Variants in GMNC observed in about 807,000 individuals in gnomAD.
GMNC encodes geminin coiled-coil domain containing.
Under a neutral mutation model 33.6 loss-of-function variants are expected in GMNC, and 16 were observed. That is an observed-to-expected ratio of 0.48 (90% confidence interval 0.32 to 0.72). The LOEUF (loss-of-function observed/expected upper bound fraction) is 0.72, where lower values mean the gene tolerates loss of function less well. Among genes scored for constraint, GMNC ranks in the 30% least tolerant of loss-of-function variants. GMNC has a pLI of 0.03. For synonymous variants in GMNC, 156 were observed against 147.3 expected, an observed-to-expected ratio of 1.06 and a Z score of -0.43; for missense variants, 393 against 388.9, an observed-to-expected ratio of 1.01 and a Z score of -0.09.
intron 3 of GMNC, among the ~76,000 whole-genome samples, chr3:190,858,353 T>C (rs1737792504): frequency 3.3e-5 from 5 of 151,884 alleles, no homozygotes; most frequent in Admixed American, 2.0e-4. Flanking sequence ...ATATAGAAAA[T>C]GATGTTTAGG....
intron 2 of GMNC, 100 bp downstream of exon 2, chr3:190,860,584 T>TATCGTCCCTTATTCTAG: frequency 9.9e-7 from 1 of 1,010,334 alleles, no homozygotes; most frequent in Non-Finnish European, 1.4e-6. Context: ...AAATTTTCCA[T>TATCGTCCCTTATTCTAG]ATCGTCCCTT....
In GMNC at chr3:190,858,939, T is replaced by C. The variant is rs1370738906; in HGVS notation, c.256A>G (p.Arg86Gly). 10 of 1,547,846 alleles carry C rather than the reference T, an allele frequency of 6.5e-6. No individual in the cohort carries two copies. The highest frequency in any genetic ancestry group is 8.7e-6 in the Non-Finnish European group (10 of 1,143,788). The change falls in exon 3 of 5, where the codon AGA (arginine) becomes GGA (glycine). Residue 86 changes from arginine to glycine, a missense_variant. Coordinates refer to ENST00000442080, the MANE Select transcript of GMNC (RefSeq NM_001146686.3). ...EEAQLSSQLY[R>G]NKQLQDTLVQ... ...TGACTTACACATACCTGCTTATTTC[T>C]GTAGAGCTGAGAGGAAAGCTGAGCC... is the stretch of plus-strand genomic sequence containing the variant.
At position 190,855,737 on chromosome 3, in the gene GMNC, C is replaced by G. The variant is rs1737719818; in HGVS notation, c.563G>C (p.Trp188Ser). 1 of 1,551,428 alleles carries G rather than the reference C, an allele frequency of 6.4e-7. No homozygotes were observed. The highest frequency in any genetic ancestry group is 8.7e-7 in the Non-Finnish European group (1 of 1,146,856). Residue 188 changes from tryptophan to serine, a missense_variant, in exon 5 of 5, where the codon TGG (tryptophan) becomes TCG (serine). By Grantham distance (177) the Trp-to-Ser change is radical. Transcript: ENST00000442080. ...TTTTAACCCAAGTGTTTGAAGGACC[C>G]AGGGATCCACAGGGGGCCCAGCTTG... ...EEQAGPPVDPWVLQTLGLKDL... is the reference protein window; with the variant it reads ...EEQAGPPVDPSVLQTLGLKDL...
chr3:190,845,508 CTTT>C, the GMNC span, among the ~76,000 whole-genome samples: 56 of 125,774 alleles, frequency 4.5e-4, no homozygotes, highest in African/African-American at 1.4e-3. Flanking sequence ...ATTTTGAAAC[CTTT>C]TTTTTTTTTT....
chr3:190,843,610 C>T, the GMNC span, among the ~76,000 whole-genome samples: 1 of 152,228 alleles, frequency 6.6e-6, no homozygotes, highest in Admixed American at 6.6e-5. Context: ...CCCAGGCTCC[C>T]TCCCACACAG....
At chr3:190,852,539 T>C (rs1737651398), downstream of GMNC, among the ~76,000 whole-genome samples, 1 of 152,156 alleles carries the variant, frequency 6.6e-6, no homozygotes, top group African/African-American at 2.4e-5. Flanking sequence ...CTAATTTTTA[T>C]GTGTGGCTAG....
chr3:190,848,334 A>C (rs1490701569), downstream of GMNC, among the ~76,000 whole-genome samples: 1 of 152,172 alleles, frequency 6.6e-6, no homozygotes, highest in Non-Finnish European at 1.5e-5. Context: ...CATTCTCTAC[A>C]TAGGCCCCAC....
At chr3:190,852,060 T>C (rs1737643791), downstream of GMNC, among the ~76,000 whole-genome samples, 1 of 151,676 alleles carries the variant, frequency 6.6e-6, no homozygotes, top group Non-Finnish European at 1.5e-5. Context: ...CAAATTCTAT[T>C]TGATTTAGTG....
rs1158472613 is a variant in GMNC at position 190,855,304 on chromosome 3, C to G, written c.996G>C (p.Lys332Asn). ...EGGWKFTWVP[K>N]QS ...GATAAAAGAGGGGTCACTAAGACTGCTTAGGGACCCAGGTAAACTTCCAGC... is the reference window on the plus strand; with the variant it reads ...GATAAAAGAGGGGTCACTAAGACTGGTTAGGGACCCAGGTAAACTTCCAGC... Residue 332 changes from lysine (K) to asparagine (N), a missense_variant, in exon 5 of 5, where the codon AAG becomes AAC. Physicochemically the swap from Lys to Asn is moderately conservative, Grantham distance 94. Coordinates refer to ENST00000442080, the MANE Select transcript of GMNC (RefSeq NM_001146686.3). The G allele has an allele frequency of 6.4e-7, 1 of 1,551,154 alleles. No individual in the cohort carries two copies. The highest frequency in any genetic ancestry group is 8.7e-7 in the Non-Finnish European group (1 of 1,146,686).
chr3:190,843,737 T>G, the GMNC span, among the ~76,000 whole-genome samples: 1 of 152,198 alleles, frequency 6.6e-6, no homozygotes, highest in Non-Finnish European at 1.5e-5. Context: ...AGACACTGAC[T>G]GCTTTTTTGC....
At chr3:190,851,650 A>G (rs573208711), downstream of GMNC, among the ~76,000 whole-genome samples, 1 of 152,184 alleles carries the variant, frequency 6.6e-6, no homozygotes, top group Non-Finnish European at 1.5e-5. Flanking sequence ...AAATACCTCC[A>G]TTATTAATCA....
chr3:190,855,733 G>A lies in GMNC; in HGVS notation c.567C>T (p.Val189=), dbSNP rs151103746. 4.1e-3 allele frequency: 6,409 copies of A among 1,551,430 alleles called. 24 individuals carry two copies. Among genetic ancestry groups the A allele is most frequent in the Middle Eastern group, 0.012 (69 of 5,992 alleles). ...GGTCTTTTAACCCAAGTGTTTGAAGGACCCAGGGATCCACAGGGGGCCCAG... is the reference window on the plus strand; with the variant it reads ...GGTCTTTTAACCCAAGTGTTTGAAGAACCCAGGGATCCACAGGGGGCCCAG... The part of the protein sequence containing the change: ...EQAGPPVDPW[V]LQTLGLKDLD... The change falls in exon 5 of 5, where the codon GTC becomes GTT. Residue 189 remains valine, a synonymous_variant. Transcript: ENST00000442080.
chr3:190,844,463 C>G, the GMNC span, among the ~76,000 whole-genome samples: 1 of 150,448 alleles, frequency 6.6e-6, no homozygotes, highest in African/African-American at 2.4e-5. Flanking sequence ...TAATTGATTC[C>G]TTATATATAA....
At chr3:190,849,309 G>A (rs924816952), downstream of GMNC, among the ~76,000 whole-genome samples, 8 of 152,168 alleles carry the variant, frequency 5.3e-5, no homozygotes, top group African/African-American at 1.9e-4. Flanking sequence ...TTCATGGGTG[G>A]GCCACCTGGC....
At chr3:190,848,278 A>G (rs1737581887), downstream of GMNC, among the ~76,000 whole-genome samples, 1 of 152,196 alleles carries the variant, frequency 6.6e-6, no homozygotes, top group African/African-American at 2.4e-5. Context: ...AAGAATATAT[A>G]CACCATTTTA....
At position 190,855,404 on chromosome 3, in the gene GMNC, A is replaced by C. The variant is rs1737711136; in HGVS notation, c.896T>G (p.Leu299Arg). ...NKTEMAFSTS[L>R]SPHCNVKTHS... is the part of the protein sequence containing the mutation. ...AGTTTTCACATTACAATGAGGGCTC[A>C]GGGATGTGGAAAATGCCATCTCTGT... Residue 299 changes from leucine (L) to arginine (R), a missense_variant, in exon 5 of 5, where the codon CTG (leucine) becomes CGG (arginine). Physicochemically the swap from Leu to Arg is moderately radical, Grantham distance 102. Transcript: ENST00000442080. 6.4e-7 allele frequency: 1 copy of C among 1,551,924 alleles called. No individual in the cohort carries two copies. The highest frequency in any genetic ancestry group is 2.4e-5 in the East Asian group (1 of 40,932).
intron 4 of GMNC, among the ~76,000 whole-genome samples, chr3:190,856,737 T>G (rs1737755384): frequency 6.6e-6 from 1 of 151,588 alleles, no homozygotes; most frequent in Non-Finnish European, 1.5e-5. Context: ...CAACACTGCT[T>G]CTTCTTATTT....
chr3:190,850,151 T>C (rs149445141), downstream of GMNC, among the ~76,000 whole-genome samples: 1 of 152,346 alleles, frequency 6.6e-6, no homozygotes, highest in African/African-American at 2.4e-5. Context: ...GAACAAGCCC[T>C]GTTAGCAATA....
intron 1 of GMNC, 112 bp from the exon 2 acceptor site, chr3:190,860,970 G>GA (rs941571393): frequency 2.1e-4 from 149 of 721,058 alleles, no homozygotes; most frequent in East Asian, 3.3e-4. Context: ...GAAATATAAA[G>GA]AAAAAAAATC....
Sources: gnomAD v4.1 joint callset for allele counts (sites outside exome capture counted in the v4.1 genomes callset) on GRCh38, gnomAD v4.1.1 for gene constraint, MANE v1.5 for transcripts, NCBI Gene and HGNC (gene_info 2026-07-23, HGNC 2026-07-21) for gene names.